RIPOR1: variants seen among roughly 807,000 people sequenced by gnomAD.
RIPOR1 encodes the protein RHO family interacting cell polarization regulator 1, also known as rho family-interacting cell polarization regulator 1.
A neutral mutation model predicts 116.5 loss-of-function variants in RIPOR1; 58 were observed. That is an observed-to-expected ratio of 0.50 (90% CI 0.40 to 0.62). The LOEUF (loss-of-function observed/expected upper bound fraction) is 0.62, where lower values mean the gene tolerates loss of function less well. Ranked by LOEUF, RIPOR1 falls within the 20% of genes least tolerant of loss-of-function variation. The pLI is 0.00. For synonymous variants in RIPOR1, 605 were observed against 650.0 expected (o/e 0.93, Z 1.05); for missense variants, 1,372 against 1,586.2 (o/e 0.86, Z 2.29).
At position 67,543,638 on chromosome 16, in the gene RIPOR1, C is replaced by T. The variant is rs2051071187; in HGVS notation, c.2600+169C>T. The T allele has an allele frequency of 1.2e-6, 1 of 862,746 alleles. No homozygotes were observed. Among genetic ancestry groups the T allele is most frequent in the African/African-American group, 1.7e-5 (1 of 59,998 alleles). The allele number at this position is 862,746 out of a possible 1,614,324, so 53.4% of individuals were successfully genotyped here. On this transcript the variant is annotated intron_variant, in intron 14 of 21. Transcript: ENST00000042381. This position sits in a 1 kb window ranked among gnomAD's most constrained non-coding sequence, Gnocchi z 4.7. ...GAGTTGCTGGCAGGTGCACCTGTGTCCACCCCTCCCATGTCCTTCATGCCC... is the reference window on the plus strand; with the variant it reads ...GAGTTGCTGGCAGGTGCACCTGTGTTCACCCCTCCCATGTCCTTCATGCCC...
Position 67,544,413 on chromosome 16 carries a change from C to G in RIPOR1, c.2715C>G (p.His905Gln), listed in dbSNP as rs1247947410. ...LDAALVRHLY[H>Q]CSRLLLKLGT... The stretch of plus-strand genomic sequence containing the variant: ...CTGCCTTGGTCCGGCACCTGTACCA[C>G]TGCAGTCGCCTCCTGCTGGTGAGGC... Residue 905 changes from histidine to glutamine, a missense_variant, in exon 15 of 22, where the codon CAC (histidine) becomes CAG (glutamine). His to Gln is a conservative substitution (Grantham distance 24). Around this residue, in one of 3 missense-constraint regions of RIPOR1, gnomAD observed 1,005 missense variants for 1,144.7 expected, o/e 0.88. Coordinates refer to ENST00000042381, the MANE Select transcript of RIPOR1 (RefSeq NM_024519.4). The surrounding 1 kb of genome is among the most constrained non-coding windows in gnomAD (Gnocchi z 5.1). 20 of 1,611,062 alleles carry G rather than the reference C, an allele frequency of 1.2e-5. No homozygotes were observed. The highest frequency in any genetic ancestry group is 1.4e-5 in the Non-Finnish European group (17 of 1,179,164).
In RIPOR1 at chr16:67,540,183, G is replaced by A. The variant is rs762065904; in HGVS notation, c.545G>A (p.Arg182Gln). The change falls in exon 7 of 22, where the codon CGG (arginine) becomes CAG (glutamine). Residue 182 changes from arginine to glutamine, a missense_variant. Physicochemically the swap from Arg to Gln is conservative, Grantham distance 43. Transcript: ENST00000042381. The surrounding 1 kb of genome is among the most constrained non-coding windows in gnomAD (Gnocchi z 4.7). ...CGGGACAGCCTGGCAGAGGCCACTCGGGGGCATCGCGAGTACACGGAGGTG... is the reference window on the plus strand; with the variant it reads ...CGGGACAGCCTGGCAGAGGCCACTCAGGGGCATCGCGAGTACACGGAGGTG... Reference protein sequence around the residue: ...EARDSLAEATRGHREYTESMC... With the variant: ...EARDSLAEATQGHREYTESMC... 3.7e-6 allele frequency: 6 copies of A among 1,613,984 alleles called. No homozygotes were observed. The highest frequency in any genetic ancestry group is 2.7e-5 in the African/African-American group (2 of 74,928).
Position 67,531,278 on chromosome 16 carries a change from GA to G in RIPOR1, c.-24+2365del, listed in dbSNP as rs983691364. ...TCCTCCCCACCAACAAACAGCTCAG[GA>G]CCTGCTGTTCCTGTGTCTAGGCAGC... On this transcript the variant is annotated intron_variant, in intron 1 of 21. Transcript: ENST00000042381. This position sits in a 1 kb window ranked among gnomAD's most constrained non-coding sequence, Gnocchi z 4.2. Among the ~76,000 whole-genome samples the G allele has an allele frequency of 1.6e-4, 25 of 151,966 alleles. No homozygotes were observed. The highest frequency in any genetic ancestry group is 6.0e-4 in the African/African-American group (25 of 41,436).
At chr16:67,527,095 C>T (rs770370104), upstream of RIPOR1, among the ~76,000 whole-genome samples, 2 of 152,252 alleles carry the variant, frequency 1.3e-5, no homozygotes, top group Non-Finnish European at 2.9e-5. Flanking sequence ...AAGAACTCAG[C>T]CCCTGGAAGT....
At chr16:67,539,125 G>A in intron 4 of RIPOR1, 57 bp downstream of exon 4, 27 of 1,434,862 alleles carry the variant, frequency 1.9e-5, no homozygotes, top group Non-Finnish European at 2.5e-5. Context: ...GGCTGGGCAA[G>A]GGCAGCCCTG....
rs1230839599 is a variant in RIPOR1, at chr16:67,542,810, A to G, written c.2024A>G (p.Asn675Ser). The stretch of plus-strand genomic sequence containing the variant: ...CCCACCACAAGCCCCATCCTTATAA[A>G]TGTAAGCCCTTCCACTTCTCTAGAA... ...THPTTSPILI[N>S]VSPSTSLELA... Residue 675 changes from asparagine to serine, a missense_variant, in exon 13 of 22, where the codon AAT (asparagine) becomes AGT (serine). Transcript: ENST00000042381. The surrounding 1 kb of genome is among the most constrained non-coding windows in gnomAD (Gnocchi z 4.6). The G allele has an allele frequency of 6.2e-7, 1 of 1,613,836 alleles. No homozygotes were observed. Among genetic ancestry groups the G allele is most frequent in the East Asian group, 2.2e-5 (1 of 44,886 alleles).
At chr16:67,518,864 G>A (rs2050469659) in intron 1 of RIPOR1, among the ~76,000 whole-genome samples, 1 of 152,224 alleles carries the variant, frequency 6.6e-6, no homozygotes. Context: ...ACAGGGCTTT[G>A]TAAGAGAGAA....
At chr16:67,546,312 G>A in intron 21 of RIPOR1, 54 bp from the exon 22 acceptor site, 5 of 1,606,332 alleles carry the variant, frequency 3.1e-6, no homozygotes, top group Non-Finnish European at 3.4e-6. Flanking sequence ...CGCCAGGGGT[G>A]GGAGAGTGGG....
intron 1 of RIPOR1, among the ~76,000 whole-genome samples, chr16:67,532,917 T>C (rs1000190522): frequency 6.6e-6 from 1 of 152,068 alleles, no homozygotes; most frequent in Non-Finnish European, 1.5e-5. Flanking sequence ...AGACAGGAGG[T>C]CCCTCAGGAA....
At chr16:67,546,078 C>T (rs753295046) in intron 20 of RIPOR1, 46 bp downstream of exon 20, 2 of 1,608,524 alleles carry the variant, frequency 1.2e-6, no homozygotes, top group South Asian at 2.2e-5. Context: ...TTCCGGCACC[C>T]CCACCCCTGA....
At position 67,538,347 on chromosome 16, in the gene RIPOR1, C is replaced by G. The variant is rs554667300; in HGVS notation, c.-23-77C>G. 382 of 1,494,062 alleles carry G rather than the reference C, an allele frequency of 2.6e-4. 6 individuals are homozygous for G. In the Middle Eastern group the frequency reaches 6.5e-3, roughly 25 times the overall value. 92.6% of individuals were successfully genotyped at this position (1,494,062 alleles called of 1,614,324 possible). On this transcript the variant is annotated intron_variant, in intron 1 of 21. Transcript: ENST00000042381. ...TGCCTAGCGACAGGAAAGACCTGCG[C>G]CAGCCCTGGATCCCGCTGCGTGGGA...
Position 67,545,963 on chromosome 16 carries a change from C to G in RIPOR1, c.3402C>G (p.Phe1134Leu). ...CCCTTCCACAGGCCCTCCTGTGCTTCCTGGACCAGCTGGAGGATGAGGACG... is the reference window on the plus strand; with the variant it reads ...CCCTTCCACAGGCCCTCCTGTGCTTGCTGGACCAGCTGGAGGATGAGGACG... ...PTFRERALLC[F>L]LDQLEDEDVQ... Residue 1134 changes from phenylalanine (F) to leucine (L), a missense_variant, in exon 20 of 22, where the codon TTC (phenylalanine) becomes TTG (leucine). Phe to Leu is a conservative substitution (Grantham distance 22). Around this residue, in one of 3 missense-constraint regions of RIPOR1, gnomAD observed 1,005 missense variants for 1,144.7 expected, o/e 0.88. Transcript: ENST00000042381. This position sits in a 1 kb window ranked among gnomAD's most constrained non-coding sequence, Gnocchi z 4.8. The G allele has an allele frequency of 6.2e-7, 1 of 1,614,084 alleles. No homozygotes were observed. Among genetic ancestry groups the G allele is most frequent in the East Asian group, 2.2e-5 (1 of 44,876 alleles).
chr16:67,538,369 G>T, intron 1 of RIPOR1, 55 bp from the exon 2 acceptor site: 1 of 1,518,046 alleles, frequency 6.6e-7, no homozygotes, highest in South Asian at 1.2e-5. Context: ...CCCGCTGCGT[G>T]GGAGAGGGCT....
At position 67,546,597 on chromosome 16, in the gene RIPOR1, C is replaced by A; in HGVS notation, c.*134C>A. ...CCTAGCAATGAAAATCTAATATATT[C>A]TTCTGTTGCCCCTGGGGTTGGAGAG... On this transcript the variant is annotated 3_prime_UTR_variant, in exon 22 of 22. Transcript: ENST00000042381. 1 of 696,828 alleles carries A rather than the reference C, an allele frequency of 1.4e-6. No homozygotes were observed. Among genetic ancestry groups the A allele is most frequent in the Non-Finnish European group, 2.4e-6 (1 of 416,842 alleles). The allele number at this position is 696,828 out of a possible 1,614,324, so 43.2% of individuals were successfully genotyped here. A position where few individuals can be genotyped will look rare whatever the true frequency, so the allele number is the denominator to read the frequency against.
intron 1 of RIPOR1, among the ~76,000 whole-genome samples, chr16:67,535,907 A>G (rs915413482): frequency 2.0e-5 from 3 of 152,050 alleles, no homozygotes; most frequent in African/African-American, 7.2e-5. Flanking sequence ...GGGGAGAATA[A>G]CATATCTCAA....
In RIPOR1 at chr16:67,545,632, G is replaced by A. The variant is rs2051138810; in HGVS notation, c.3191-32G>A. The A allele has an allele frequency of 6.5e-7, 1 of 1,544,894 alleles. No individual in the cohort carries two copies. The highest frequency in any genetic ancestry group is 1.4e-5 in the African/African-American group (1 of 73,254). On this transcript the variant is annotated intron_variant, in intron 18 of 21. Coordinates refer to ENST00000042381, the MANE Select transcript of RIPOR1 (RefSeq NM_024519.4). This position sits in a 1 kb window ranked among gnomAD's most constrained non-coding sequence, Gnocchi z 4.8. ...CGGGGGCTCCTCACCCTGCCACCTT[G>A]CCCACCCACCCACCATATCCCCTTT...
chr16:67,533,171 AT>A (rs2050705497), intron 1 of RIPOR1, among the ~76,000 whole-genome samples: 1 of 152,158 alleles, frequency 6.6e-6, no homozygotes, highest in Non-Finnish European at 1.5e-5. Context: ...GTGGAGTGTC[AT>A]GGAGAAGTTG....
In RIPOR1 at chr16:67,531,639, A is replaced by G. The variant is rs1281209718; in HGVS notation, c.-24+2725A>G. The G allele has an allele frequency of 2.2e-6, 1 of 454,760 alleles. No homozygotes were observed. The highest frequency in any genetic ancestry group is 2.4e-5 in the Admixed American group (1 of 42,424). 28.2% of individuals were successfully genotyped at this position (454,760 alleles called of 1,614,324 possible). A position where few individuals can be genotyped will look rare whatever the true frequency, so the allele number is the denominator to read the frequency against. On this transcript the variant is annotated intron_variant, in intron 1 of 21. Transcript: ENST00000042381. The surrounding 1 kb of genome is among the most constrained non-coding windows in gnomAD (Gnocchi z 4.2). ...TCTGAAGAACCTTGCAGGTATTGAG[A>G]GAGGGTCTCAGTTGCTGGAACAGAG...
rs1567571188 is a variant in RIPOR1, at chr16:67,540,443, T to C, written c.632-15T>C. 6.2e-7 allele frequency: 1 copy of C among 1,613,998 alleles called. No individual in the cohort carries two copies. The highest frequency in any genetic ancestry group is 1.3e-5 in the African/African-American group (1 of 74,906). ...AATATGGCTCACCGACTTCTCCCCT[T>C]CTCCTCCAACTCAGGGCTGGCTGGC... On this transcript the variant is annotated splice_polypyrimidine_tract_variant and intron_variant, in intron 8 of 21. Coordinates refer to ENST00000042381, the MANE Select transcript of RIPOR1 (RefSeq NM_024519.4). The surrounding 1 kb of genome is among the most constrained non-coding windows in gnomAD (Gnocchi z 4.7).
Sources: gnomAD v4.1 joint callset for allele counts (sites outside exome capture counted in the v4.1 genomes callset) on GRCh38, gnomAD v4.1.1 for gene constraint, gnomAD v4.1.1 regional missense constraint, Gnocchi (gnomAD v3.1) non-coding constraint, MANE v1.5 for transcripts, NCBI Gene and HGNC (gene_info 2026-07-23, HGNC 2026-07-21) for gene names.